Variants in SNX14 observed in about 807,000 individuals in gnomAD.
The protein encoded by SNX14 is sorting nexin-14.
A neutral mutation model predicts 133.8 loss-of-function variants in SNX14; 93 were observed. The observed-to-expected ratio is 0.70, with a 90% CI of 0.59 to 0.83. The LOEUF (loss-of-function observed/expected upper bound fraction) is 0.83, where lower values mean the gene tolerates loss of function less well. SNX14 is among the 40% of genes least tolerant of loss of function. The pLI is 0.00. For missense variants in SNX14, 945 were observed against 1,094.9 expected (o/e 0.86, Z 1.93); for synonymous variants, 368 against 365.6 (o/e 1.01, Z -0.07).
At chr6:85,547,739 T>C (rs1280291009) in intron 9 of SNX14, among the ~76,000 whole-genome samples, 189 bp from the exon 10 acceptor site, 1 of 152,186 alleles carries the variant, frequency 6.6e-6, no homozygotes, top group African/African-American at 2.4e-5. Context: ...TTCTTAACCT[T>C]TGTGAAAATG....
chr6:85,582,178 G>GA (rs1044247705), intron 1 of SNX14, among the ~76,000 whole-genome samples: 5 of 152,238 alleles, frequency 3.3e-5, no homozygotes, highest in African/African-American at 1.2e-4. Context: ...TACAGGTCAG[G>GA]AGAGACATAG....
chr6:85,530,167 GT>G (rs753813051), intron 19 of SNX14, 24 bp downstream of exon 19: 4 of 1,424,154 alleles, frequency 2.8e-6, no homozygotes, highest in Non-Finnish European at 2.9e-6. Flanking sequence ...GAAATGTAAT[GT>G]TTTATCCAAA....
chr6:85,526,379 G>C (rs776079448), intron 20 of SNX14, 142 bp from the exon 21 acceptor site: 5 of 617,232 alleles, frequency 8.1e-6, no homozygotes, highest in Non-Finnish European at 8.5e-6. Context: ...ATTTTTAGAG[G>C]GAAGAATATA....
intron 16 of SNX14, among the ~76,000 whole-genome samples, chr6:85,537,586 G>A (rs1782340660): frequency 6.6e-6 from 1 of 152,102 alleles, no homozygotes; most frequent in African/African-American, 2.4e-5. Flanking sequence ...GCCAAAAGTA[G>A]CAAAAATGTC....
rs145183684 is a variant in SNX14, at chr6:85,588,575, C to CTAAA, written c.140+5000_140+5003dup. Reference sequence around the variant, plus strand: ...CTGAGCAAAGAGCGAGACTCCGTCTCTAAATAAATAAATAAATAAATAAAT... The same window carrying CTAAA: ...CTGAGCAAAGAGCGAGACTCCGTCTCTAAATAAATAAATAAATAAATAAATAAAT... On this transcript the variant is annotated intron_variant, in intron 1 of 28. Transcript: ENST00000314673. Among the ~76,000 whole-genome samples the CTAAA allele has an allele frequency of 9.4e-4, 140 of 149,056 alleles. 1 individual carries two copies. Among genetic ancestry groups the CTAAA allele is most frequent in the East Asian group, 5.6e-3 (28 of 4,988 alleles).
chr6:85,555,352 GGATA>G (rs1432188537), intron 7 of SNX14, among the ~76,000 whole-genome samples: 1 of 152,160 alleles, frequency 6.6e-6, no homozygotes, highest in African/African-American at 2.4e-5. Context: ...ATTGGTGAAT[GGATA>G]AACAAAGTGC....
intron 26 of SNX14, among the ~76,000 whole-genome samples, chr6:85,510,201 G>T: frequency 6.6e-6 from 1 of 152,094 alleles, no homozygotes; most frequent in East Asian, 1.9e-4. Flanking sequence ...GCTTAGTTTT[G>T]TAAGAAACTG....
Position 85,571,998 on chromosome 6 carries a change from A to C in SNX14, c.417+139T>G. On this transcript the variant is annotated intron_variant, in intron 4 of 28. Transcript: ENST00000314673. ...TTACTACTCAAGTTGTTTAGTCTGC[A>C]ATAATCAACTGCCTCAGAACTGATT... 4.6e-6 allele frequency: 3 copies of C among 647,366 alleles called. 1 individual carries two copies. The South Asian group carries it at 6.6e-5, about 14-fold the overall frequency. 40.1% of individuals were successfully genotyped at this position (647,366 alleles called of 1,614,324 possible). A position where few individuals can be genotyped will look rare whatever the true frequency, so the allele number is the denominator to read the frequency against.
Position 85,574,267 on chromosome 6 carries a change from G to C in SNX14, c.252C>G (p.Tyr84Ter), listed in dbSNP as rs1171657935. The C allele has an allele frequency of 2.5e-5, 39 of 1,582,048 alleles. No individual in the cohort carries two copies. The highest frequency in any genetic ancestry group is 3.2e-5 in the Non-Finnish European group (37 of 1,158,582). The change falls in exon 2 of 29, where the codon TAC becomes TAG. Residue 84 changes from tyrosine (Y) to a stop codon, truncating the protein, a stop_gained. Transcript: ENST00000314673. LOFTEE classifies it high-confidence loss of function. ...GAACACATAATTTTACCTTGGGTTT[G>C]TATTTTATTGTGAAGAATATATTTG... The part of the protein sequence containing the change: ...LLPNIFFTIK[Y>*]KPKQLGLQEL...
In SNX14 at chr6:85,543,879, C is replaced by T. The variant is rs189561460; in HGVS notation, c.1109-119G>A. ...AGCAGCAATTAGAAGCAATCTAATT[C>T]ATCTAAGTTTTTAAAAAATATTTGA... is the stretch of plus-strand genomic sequence containing the variant. On this transcript the variant is annotated intron_variant, in intron 12 of 28. Coordinates refer to ENST00000314673, the MANE Select transcript of SNX14 (RefSeq NM_153816.6). The T allele has an allele frequency of 3.4e-3, 1,639 of 485,362 alleles. 32 individuals carry two copies. The highest frequency in any genetic ancestry group is 0.03 in the African/African-American group (1,503 of 49,934). The allele number at this position is 485,362 out of a possible 1,614,324, so 30.1% of individuals were successfully genotyped here.
At chr6:85,589,515 GC>G (rs1802139650) in intron 1 of SNX14, 1 of 153,566 alleles carries the variant, frequency 6.5e-6, no homozygotes, top group Non-Finnish European at 1.4e-5. Context: ...ACTGCATTTG[GC>G]CCCTGGCACT....
intron 12 of SNX14, among the ~76,000 whole-genome samples, chr6:85,544,706 GA>G (rs2128081765): frequency 6.6e-6 from 1 of 152,274 alleles, no homozygotes; most frequent in South Asian, 2.1e-4. Context: ...GCAAGAGGAT[GA>G]ATGAGCTCAG....
chr6:85,508,493 C>T (rs1562167295), intron 26 of SNX14: 1 of 570,396 alleles, frequency 1.8e-6, no homozygotes, highest in Admixed American at 6.4e-5. Flanking sequence ...GATAAGCCGA[C>T]TTCTACCCAG....
intron 6 of SNX14, among the ~76,000 whole-genome samples, chr6:85,560,555 T>C (rs1448361036): frequency 6.6e-6 from 1 of 152,194 alleles, no homozygotes; most frequent in Non-Finnish European, 1.5e-5. Context: ...GTTCTAAAAT[T>C]GACTATGGGG....
At chr6:85,541,290 G>A (rs908428261) in intron 15 of SNX14, among the ~76,000 whole-genome samples, 5 of 152,188 alleles carry the variant, frequency 3.3e-5, no homozygotes, top group Admixed American at 2.0e-4. Context: ...ACCGTGCCCG[G>A]CCATTAACAT....
At chr6:85,572,110 G>A (rs773349931) in intron 4 of SNX14, 27 bp downstream of exon 4, 3 of 1,568,286 alleles carry the variant, frequency 1.9e-6, no homozygotes, top group African/African-American at 2.8e-5. Context: ...AACATTTTCT[G>A]TTAATAATAT....
At chr6:85,509,859 GC>G (rs753638097) in intron 26 of SNX14, among the ~76,000 whole-genome samples, 12 of 151,924 alleles carry the variant, frequency 7.9e-5, no homozygotes, top group Non-Finnish European at 1.5e-4. Context: ...TCTTAGTTTT[GC>G]CTTTTCCAAA....
chr6:85,548,330 G>C lies in SNX14; in HGVS notation c.838C>G (p.Leu280Val). The change falls in exon 9 of 29, where the codon CTT becomes GTT. Residue 280 changes from leucine to valine, a missense_variant. This residue lies in a region of SNX14 where 514 missense variants were observed against 538.8 expected (regional missense o/e 0.95). Transcript: ENST00000314673. ...TCAGCTAGGAAATCCAAAGAAGGAA[G>C]GAACACAGAGCCAGACAGAATCTCT... ...IREILSGSVF[L>V]PSLDFLADPD... is the part of the protein sequence containing the mutation. 6.2e-7 allele frequency: 1 copy of C among 1,607,762 alleles called. No individual in the cohort carries two copies. Among genetic ancestry groups the C allele is most frequent in the Non-Finnish European group, 8.5e-7 (1 of 1,178,020 alleles).
intron 12 of SNX14, among the ~76,000 whole-genome samples, chr6:85,544,661 G>A (rs1014286037): frequency 1.3e-5 from 2 of 152,086 alleles, no homozygotes; most frequent in Admixed American, 6.5e-5. Flanking sequence ...GCATGGTGGT[G>A]TTCACCTGTA....
Sources: allele counts gnomAD v4.1 joint callset (sites outside exome capture counted in the v4.1 genomes callset), GRCh38; gene constraint gnomAD v4.1.1; regional missense constraint gnomAD v4.1.1; transcripts MANE v1.5; gene names NCBI Gene and HGNC (gene_info 2026-07-23, HGNC 2026-07-21).